The following PCDHGA6 variants were observed in gnomAD, a reference collection of about 807,000 sequenced individuals.
PCDHGA6 encodes the protein protocadherin gamma-A6.
In PCDHGA6, 41 loss-of-function variants were observed where a neutral mutation model predicts 60.6. That is an observed-to-expected ratio of 0.68 (90% CI 0.53 to 0.88). The LOEUF (loss-of-function observed/expected upper bound fraction) is 0.88. Among genes scored for constraint, PCDHGA6 ranks in the 40% least tolerant of loss-of-function variants. The probability of loss-of-function intolerance (pLI) is 0.00; values close to 1 mark genes in which losing one functional copy is unlikely to be tolerated. For missense variants in PCDHGA6, 1,312 were observed against 1,203.0 expected, an observed-to-expected ratio of 1.09 and a Z score of -1.34; for synonymous variants, 594 against 524.4, an observed-to-expected ratio of 1.13 and a Z score of -1.81.
intron 1 of PCDHGA6, among the ~76,000 whole-genome samples, chr5:141,401,410 A>T (rs536817103): frequency 2.6e-5 from 4 of 152,354 alleles, no homozygotes; most frequent in African/African-American, 9.6e-5. Context: ...TGAGAGAGAA[A>T]GAGAGAGACT....
Position 141,432,917 on chromosome 5 carries a change from C to A in PCDHGA6, c.2424+56410C>A. 6.2e-7 allele frequency: 1 copy of A among 1,614,166 alleles called. No homozygotes were observed. Among genetic ancestry groups the A allele is most frequent in the South Asian group, 1.1e-5 (1 of 91,086 alleles). On this transcript the variant is annotated intron_variant, in intron 1 of 3. Transcript: ENST00000517434. This position sits in a 1 kb window ranked among gnomAD's most constrained non-coding sequence, Gnocchi z 6.0. The stretch of plus-strand genomic sequence containing the variant: ...GCTGGCGCTCAGGCTGCGGCGCTGG[C>A]ACAAGTCACGCCTGCTGCAGGCTTC...
chr5:141,501,228 A>G (rs1054674676), intron 2 of PCDHGA6, among the ~76,000 whole-genome samples: 10 of 149,588 alleles, frequency 6.7e-5, no homozygotes, highest in African/African-American at 2.5e-4. Context: ...TAGATTTCTC[A>G]GTTTTTTGAG....
At position 141,494,730 on chromosome 5, in the gene PCDHGA6, G is replaced by A. The variant is rs1595262506; in HGVS notation, c.2425-77G>A. 18 of 1,609,816 alleles carry A rather than the reference G, an allele frequency of 1.1e-5. No individual in the cohort carries two copies. In the East Asian group the frequency reaches 4.0e-4, roughly 36 times the overall value. On this transcript the variant is annotated intron_variant, in intron 1 of 3. Coordinates refer to ENST00000517434, the MANE Select transcript of PCDHGA6 (RefSeq NM_018919.3). ...GTGCCCACTCCCCTCCTTCTCTCCC[G>A]GCCCATCCCTAGGGGCTCGGGTGAC...
At chr5:141,427,858 C>T in intron 1 of PCDHGA6, 1 of 1,555,500 alleles carries the variant, frequency 6.4e-7, no homozygotes, top group South Asian at 1.1e-5. Context: ...CAGCTGTGCG[C>T]CTTCGAGCTC....
At chr5:141,415,259 T>A (rs778452630) in intron 1 of PCDHGA6, 5 of 1,614,226 alleles carry the variant, frequency 3.1e-6, no homozygotes, top group Admixed American at 1.7e-5. Flanking sequence ...GACCTCACTC[T>A]GTACCTGGTG....
Position 141,458,000 on chromosome 5 carries a change from A to G in PCDHGA6, c.2425-36807A>G, listed in dbSNP as rs1047291886. ...CACCCTTTCAGTTAAAGCCTTGGCA[A>G]AATAACCGGTTTTTCCAATTGTGTT... On this transcript the variant is annotated intron_variant, in intron 1 of 3. Coordinates refer to ENST00000517434, the MANE Select transcript of PCDHGA6 (RefSeq NM_018919.3). Among the ~76,000 whole-genome samples, 4 of 152,214 alleles carry G rather than the reference A, an allele frequency of 2.6e-5. No homozygotes were observed. In the East Asian group the frequency reaches 5.8e-4, roughly 22 times the overall value.
intron 1 of PCDHGA6, chr5:141,422,314 C>T: frequency 6.5e-7 from 1 of 1,547,838 alleles, no homozygotes; most frequent in Non-Finnish European, 8.7e-7. Context: ...AAACTCTCCT[C>T]CAGGTACAGT....
intron 1 of PCDHGA6, chr5:141,492,033 C>A: frequency 1.8e-6 from 1 of 548,342 alleles, no homozygotes; most frequent in Non-Finnish European, 3.1e-6. Flanking sequence ...CGGGAGGAGG[C>A]AGTCACAGAT....
At chr5:141,407,328 A>G (rs1016529734) in intron 1 of PCDHGA6, among the ~76,000 whole-genome samples, 1 of 152,210 alleles carries the variant, frequency 6.6e-6, no homozygotes, top group Admixed American at 6.5e-5. Flanking sequence ...ATTTATAAAT[A>G]TTGAAATGTA....
intron 1 of PCDHGA6, chr5:141,393,960 G>T: frequency 6.2e-7 from 1 of 1,613,944 alleles, no homozygotes; most frequent in South Asian, 1.1e-5. Context: ...TGGTCAAGTT[G>T]TCTGTTACAC....
chr5:141,450,110 G>C (rs2098669636), intron 1 of PCDHGA6, among the ~76,000 whole-genome samples: 1 of 147,716 alleles, frequency 6.8e-6, no homozygotes. Context: ...AGGTTCAAAT[G>C]ATTCTCCTGC....
intron 1 of PCDHGA6, among the ~76,000 whole-genome samples, chr5:141,444,253 C>T (rs2154560603): frequency 7.0e-6 from 1 of 142,690 alleles, no homozygotes; most frequent in South Asian, 2.3e-4. Flanking sequence ...CTCACTGCAA[C>T]CTCCGCCTCC....
intron 1 of PCDHGA6, chr5:141,394,841 C>A: frequency 6.2e-7 from 1 of 1,613,852 alleles, no homozygotes; most frequent in Non-Finnish European, 8.5e-7. Flanking sequence ...CCGAGTTGGG[C>A]AGTCTGAAGC....
intron 1 of PCDHGA6, among the ~76,000 whole-genome samples, chr5:141,382,367 C>A (rs778668401): frequency 2.6e-5 from 4 of 151,894 alleles, no homozygotes; most frequent in Non-Finnish European, 5.9e-5. Context: ...TAAAATTTAC[C>A]TTTTTGCCTT....
intron 2 of PCDHGA6, 84 bp downstream of exon 2, chr5:141,494,949 C>A (rs1193148622): frequency 6.2e-7 from 1 of 1,606,850 alleles, no homozygotes; most frequent in Non-Finnish European, 8.5e-7. Context: ...GAGGGCCCAG[C>A]ATTTGCTACA....
intron 1 of PCDHGA6, chr5:141,398,901 C>T: frequency 9.9e-6 from 16 of 1,613,954 alleles, no homozygotes; most frequent in Non-Finnish European, 1.3e-5. Flanking sequence ...TGCCACCAGG[C>T]ACCACTGTGT....
At chr5:141,496,948 G>A (rs2099772844) in intron 2 of PCDHGA6, among the ~76,000 whole-genome samples, 1 of 151,826 alleles carries the variant, frequency 6.6e-6, no homozygotes, top group Admixed American at 6.6e-5. Context: ...CACTTTGGGA[G>A]GCCAAGGTGG....
At chr5:141,481,441 T>C (rs1397908285) in intron 1 of PCDHGA6, among the ~76,000 whole-genome samples, 1 of 152,250 alleles carries the variant, frequency 6.6e-6, no homozygotes, top group East Asian at 1.9e-4. Context: ...ATCAGTTTAG[T>C]ACATGTAAAT....
At chr5:141,385,050 G>C in intron 1 of PCDHGA6, 1 of 1,614,164 alleles carries the variant, frequency 6.2e-7, no homozygotes, top group Non-Finnish European at 8.5e-7. Flanking sequence ...TCAGGCTGCG[G>C]CGCTGGCACA....
Sources: gnomAD v4.1 joint callset for allele counts (sites outside exome capture counted in the v4.1 genomes callset) on GRCh38, gnomAD v4.1.1 for gene constraint, Gnocchi (gnomAD v3.1) non-coding constraint, MANE v1.5 for transcripts, NCBI Gene and HGNC (gene_info 2026-07-23, HGNC 2026-07-21) for gene names.